Variants in MAP2K5 observed in about 807,000 individuals in gnomAD.
The protein encoded by MAP2K5 is dual specificity mitogen-activated protein kinase kinase 5.
Under a neutral mutation model 83.1 loss-of-function variants are expected in MAP2K5, and 49 were observed. The ratio of observed to expected loss-of-function variants is 0.59; its 90% CI spans 0.47 to 0.75. The LOEUF (loss-of-function observed/expected upper bound fraction) is 0.75. Ranked by LOEUF, MAP2K5 falls within the 30% of genes least tolerant of loss-of-function variation. The pLI, the probability that MAP2K5 is intolerant of heterozygous loss-of-function variation, is 0.00. For missense variants in MAP2K5, 457 were observed against 557.5 expected, an observed-to-expected ratio of 0.82 and a Z score of 1.82; for synonymous variants, 202 against 191.8, an observed-to-expected ratio of 1.05 and a Z score of -0.44.
At chr15:67,566,369 T>G (rs1234493745) in intron 3 of MAP2K5, among the ~76,000 whole-genome samples, 6 of 152,120 alleles carry the variant, frequency 3.9e-5, no homozygotes, top group Non-Finnish European at 5.9e-5. Context: ...AGAGATGGGA[T>G]TTCTCGATAT....
chr15:67,589,078 A>G (rs2085345345), intron 6 of MAP2K5, among the ~76,000 whole-genome samples: 1 of 152,026 alleles, frequency 6.6e-6, no homozygotes, highest in African/African-American at 2.4e-5. Context: ...CTCCTGGCTC[A>G]AGCAATTTTC....
At chr15:67,734,387 C>CA (rs145630692) in intron 17 of MAP2K5, among the ~76,000 whole-genome samples, 134 of 152,140 alleles carry the variant, frequency 8.8e-4, no homozygotes, top group African/African-American at 3.1e-3. Context: ...TTTCAATTGA[C>CA]AGACTGTCTT....
rs1009447194 is a variant in MAP2K5, at chr15:67,565,419, G to A, written c.252+2069G>A. On this transcript the variant is annotated intron_variant, in intron 3 of 21. Transcript: ENST00000178640. This position sits in a 1 kb window ranked among gnomAD's most constrained non-coding sequence, Gnocchi z 4.1. ...TAATTTTTGTATTTTTAGTAGAGAC[G>A]GGGTTTCATCATGTTGGCCAGGCTG... Among the ~76,000 whole-genome samples the A allele has an allele frequency of 1.3e-5, 2 of 151,976 alleles. No homozygotes were observed. Among genetic ancestry groups the A allele is most frequent in the African/African-American group, 2.4e-5 (1 of 41,368 alleles).
Position 67,578,365 on chromosome 15 carries a change from T to G in MAP2K5, c.253-2389T>G, listed in dbSNP as rs572307189. On this transcript the variant is annotated intron_variant, in intron 3 of 21. Transcript: ENST00000178640. ...AGCCTGAGTTTCTAGGCCTAGTGCC[T>G]TGTTGGTGGCTGTTCCTCAGGGGCC... Among the ~76,000 whole-genome samples the G allele has an allele frequency of 1.7e-4, 26 of 152,350 alleles. 1 individual carries two copies. Among genetic ancestry groups the G allele is most frequent in the Admixed American group, 1.6e-3 (25 of 15,310 alleles).
At position 67,577,320 on chromosome 15, in the gene MAP2K5, T is replaced by C. The variant is rs1461387309; in HGVS notation, c.253-3434T>C. ...TAAAGTTAAATGTCTTCCTGAAGGC[T>C]ACACAAGTTAATGAGTGGCAGACTT... is the stretch of plus-strand genomic sequence containing the variant. On this transcript the variant is annotated intron_variant, in intron 3 of 21. Transcript: ENST00000178640. The surrounding 1 kb of genome is among the most constrained non-coding windows in gnomAD (Gnocchi z 4.1). Among the ~76,000 whole-genome samples, 1 of 152,228 alleles carries C rather than the reference T, an allele frequency of 6.6e-6. No homozygotes were observed. Among genetic ancestry groups the C allele is most frequent in the East Asian group, 1.9e-4 (1 of 5,202 alleles).
At chr15:67,745,087 A>G (rs1596897573) in intron 17 of MAP2K5, among the ~76,000 whole-genome samples, 1 of 152,360 alleles carries the variant, frequency 6.6e-6, no homozygotes, top group East Asian at 1.9e-4. Flanking sequence ...AAATGCAACT[A>G]GTTCTAGAGA....
intron 8 of MAP2K5, among the ~76,000 whole-genome samples, chr15:67,620,651 T>C (rs1056389871): frequency 6.6e-6 from 1 of 152,092 alleles, no homozygotes; most frequent in Non-Finnish European, 1.5e-5. Flanking sequence ...ATAGTAATAA[T>C]TCAAAATGAA....
rs1265839902 is a variant in MAP2K5 at position 67,577,204 on chromosome 15, G to A, written c.253-3550G>A. ...CCCGCCTCGGCCTCCCAAAGTGCTG[G>A]GATTACAGGCGTGAGCCACCGTGCC... On this transcript the variant is annotated intron_variant, in intron 3 of 21. Transcript: ENST00000178640. This position sits in a 1 kb window ranked among gnomAD's most constrained non-coding sequence, Gnocchi z 4.1. 2.0e-5 allele frequency among the ~76,000 whole-genome samples: 3 copies of A among 151,986 alleles called. No individual in the cohort carries two copies. Among genetic ancestry groups the A allele is most frequent in the Admixed American group, 6.6e-5 (1 of 15,256 alleles).
At chr15:67,805,657 G>A (rs1210890633) in intron 21 of MAP2K5, among the ~76,000 whole-genome samples, 1 of 152,170 alleles carries the variant, frequency 6.6e-6, no homozygotes, top group Non-Finnish European at 1.5e-5. Flanking sequence ...GCTGGGGGCA[G>A]GCACATGGCG....
intron 12 of MAP2K5, among the ~76,000 whole-genome samples, chr15:67,661,919 T>C (rs1290041734): frequency 6.6e-6 from 1 of 152,156 alleles, no homozygotes; most frequent in Non-Finnish European, 1.5e-5. Context: ...ATGTTAATTT[T>C]TATAAACATT....
intron 17 of MAP2K5, among the ~76,000 whole-genome samples, chr15:67,743,613 A>G (rs77642194): frequency 0.013 from 2,031 of 152,286 alleles, 43 homozygotes; most frequent in African/African-American, 0.047. Context: ...ATGTATATAA[A>G]GCTTATCATG....
intron 19 of MAP2K5, among the ~76,000 whole-genome samples, chr15:67,759,139 A>G: frequency 6.6e-6 from 1 of 152,166 alleles, no homozygotes; most frequent in African/African-American, 2.4e-5. Flanking sequence ...AAATTCATTC[A>G]TGTAGAATCA....
intron 9 of MAP2K5, chr15:67,642,571 T>C (rs1461181373): frequency 1.2e-6 from 1 of 866,476 alleles, no homozygotes; most frequent in Non-Finnish European, 2.0e-6. Flanking sequence ...AATCAGTGCC[T>C]GGAGAAGAGA....
At chr15:67,669,907 T>G (rs1240569633) in intron 13 of MAP2K5, among the ~76,000 whole-genome samples, 2 of 152,108 alleles carry the variant, frequency 1.3e-5, no homozygotes, top group African/African-American at 4.8e-5. Flanking sequence ...AGTTTGACAA[T>G]TTCTTGCAAC....
chr15:67,635,914 G>A (rs1690196063), intron 9 of MAP2K5, among the ~76,000 whole-genome samples: 1 of 151,938 alleles, frequency 6.6e-6, no homozygotes, highest in South Asian at 2.1e-4. Context: ...TTGAGCTGGT[G>A]TTTACATCTT....
At chr15:67,805,131 G>A (rs535467829) in intron 21 of MAP2K5, among the ~76,000 whole-genome samples, 42 of 152,348 alleles carry the variant, frequency 2.8e-4, no homozygotes, top group Admixed American at 1.2e-3. Flanking sequence ...GTCCCTGCCC[G>A]GGGTTGAGTG....
chr15:67,629,492 C>T (rs907877514), intron 8 of MAP2K5, among the ~76,000 whole-genome samples: 9 of 151,658 alleles, frequency 5.9e-5, no homozygotes, highest in Non-Finnish European at 8.8e-5. Flanking sequence ...GTCAGAGCAA[C>T]CAAATTTTCT....
intron 2 of MAP2K5, among the ~76,000 whole-genome samples, chr15:67,560,729 C>T (rs1344201238): frequency 6.6e-6 from 1 of 152,214 alleles, no homozygotes; most frequent in African/African-American, 2.4e-5. Flanking sequence ...TGGTAGCTGA[C>T]TTCTTTCACA....
chr15:67,689,554 TG>T (rs2088047744), intron 13 of MAP2K5, among the ~76,000 whole-genome samples: 1 of 152,178 alleles, frequency 6.6e-6, no homozygotes, highest in Non-Finnish European at 1.5e-5. Context: ...TGAGGATGAC[TG>T]GATGTCTACT....
Sources: allele counts gnomAD v4.1 joint callset (sites outside exome capture counted in the v4.1 genomes callset), GRCh38; gene constraint gnomAD v4.1.1; non-coding constraint Gnocchi (gnomAD v3.1); transcripts MANE v1.5; gene names NCBI Gene and HGNC (gene_info 2026-07-23, HGNC 2026-07-21).